The following FRMD4A variants were observed in gnomAD, a reference collection of about 807,000 sequenced individuals.
The protein encoded by FRMD4A is FERM domain containing 4A, also known as FERM domain-containing protein 4A.
In FRMD4A, 29 loss-of-function variants were observed where a neutral mutation model predicts 129.1. The ratio of observed to expected loss-of-function variants is 0.22; its 90% CI spans 0.17 to 0.31. The LOEUF (loss-of-function observed/expected upper bound fraction) is 0.31. FRMD4A is among the 10% of genes least tolerant of loss of function. The pLI is 1.00. For synonymous variants in FRMD4A, 634 were observed against 571.6 expected, an observed-to-expected ratio of 1.11 and a Z score of -1.56; for missense variants, 1,272 against 1,375.8, an observed-to-expected ratio of 0.92 and a Z score of 1.19.
intron 2 of FRMD4A, among the ~76,000 whole-genome samples, chr10:14,300,588 G>C (rs771457582): frequency 1.3e-5 from 2 of 152,160 alleles, no homozygotes; most frequent in Non-Finnish European, 2.9e-5. Context: ...AGGCAGGGTT[G>C]GTCCCTACTT....
At chr10:14,304,035 G>A (rs1218472) in intron 2 of FRMD4A, among the ~76,000 whole-genome samples, 25,317 of 151,940 alleles carry the variant, frequency 0.17, 2,796 homozygotes, top group African/African-American at 0.31. Flanking sequence ...CCATTTATCC[G>A]CTGATAGACA....
intron 13 of FRMD4A, among the ~76,000 whole-genome samples, chr10:13,706,524 C>G (rs1482264060): frequency 6.6e-6 from 1 of 152,086 alleles, no homozygotes; most frequent in Non-Finnish European, 1.5e-5. Flanking sequence ...ATACTAACAT[C>G]CTAAAATTAC....
chr10:14,004,180 A>G (rs1428893934), intron 2 of FRMD4A, among the ~76,000 whole-genome samples: 1 of 152,224 alleles, frequency 6.6e-6, no homozygotes, highest in East Asian at 1.9e-4. Context: ...TTAGCAAGCG[A>G]ATAGCCCTAA....
At chr10:13,704,005 AAAAAC>A (rs2087137801) in intron 13 of FRMD4A, among the ~76,000 whole-genome samples, 1 of 151,938 alleles carries the variant, frequency 6.6e-6, no homozygotes, top group Non-Finnish European at 1.5e-5. Context: ...CTCTGTCTCA[AAAAAC>A]AAAACAAACA....
chr10:13,740,399 A>T, intron 10 of FRMD4A, 113 bp downstream of exon 10: 1 of 877,676 alleles, frequency 1.1e-6, no homozygotes, highest in Non-Finnish European at 1.9e-6. Flanking sequence ...AAATGGAAAC[A>T]TACACCCCCC....
intron 2 of FRMD4A, among the ~76,000 whole-genome samples, chr10:14,093,729 A>G (rs1237165587): frequency 2.2e-5 from 3 of 138,004 alleles, no homozygotes; most frequent in African/African-American, 8.0e-5. Context: ...TTTAATAGAG[A>G]CTAGATATCC....
At chr10:14,141,395 C>T (rs1018426815) in intron 2 of FRMD4A, among the ~76,000 whole-genome samples, 1 of 152,146 alleles carries the variant, frequency 6.6e-6, no homozygotes, top group Non-Finnish European at 1.5e-5. Flanking sequence ...GGATGCTATC[C>T]ATGCACTCTC....
intron 21 of FRMD4A, among the ~76,000 whole-genome samples, chr10:13,657,995 T>C (rs1430264991): frequency 6.6e-6 from 1 of 150,896 alleles, no homozygotes; most frequent in Non-Finnish European, 1.5e-5. Context: ...ATTAGAAAAT[T>C]AGCTGGGTGT....
chr10:13,669,888 G>A (rs1416946999), intron 17 of FRMD4A, among the ~76,000 whole-genome samples: 1 of 152,214 alleles, frequency 6.6e-6, no homozygotes, highest in Non-Finnish European at 1.5e-5. Context: ...AACAAGGCCA[G>A]GGCCGCCCAA....
intron 2 of FRMD4A, among the ~76,000 whole-genome samples, chr10:14,113,558 T>C (rs1002068913): frequency 2.8e-4 from 42 of 152,188 alleles, no homozygotes; most frequent in Admixed American, 2.7e-3. Context: ...AGTTAAATTC[T>C]GGGGGACTCA....
At chr10:13,975,057 CTGTG>C (rs1452449308) in intron 2 of FRMD4A, among the ~76,000 whole-genome samples, 2 of 150,854 alleles carry the variant, frequency 1.3e-5, no homozygotes, top group South Asian at 2.1e-4. Flanking sequence ...GTCTCTGAGT[CTGTG>C]TGTGTATGTG....
chr10:14,059,507 C>T (rs1340545735), intron 2 of FRMD4A, among the ~76,000 whole-genome samples: 1 of 152,144 alleles, frequency 6.6e-6, no homozygotes, highest in Non-Finnish European at 1.5e-5. Context: ...TGAGGAAAGG[C>T]TATGTGAGCA....
At chr10:13,709,624 G>A (rs946128116) in intron 12 of FRMD4A, among the ~76,000 whole-genome samples, 3 of 152,166 alleles carry the variant, frequency 2.0e-5, no homozygotes, top group Non-Finnish European at 4.4e-5. Flanking sequence ...CGTAAGGGAT[G>A]TGGATGGTAC....
intron 2 of FRMD4A, among the ~76,000 whole-genome samples, chr10:14,093,591 G>T (rs1328209427): frequency 1.3e-5 from 2 of 152,258 alleles, no homozygotes; most frequent in South Asian, 2.1e-4. Flanking sequence ...GGATGAGTGG[G>T]ACCTGCTTGT....
intron 2 of FRMD4A, among the ~76,000 whole-genome samples, chr10:14,029,224 G>T (rs1833120204): frequency 6.6e-6 from 1 of 151,950 alleles, no homozygotes; most frequent in African/African-American, 2.4e-5. Flanking sequence ...TAACGTTTTA[G>T]TGGTAAGATT....
rs767762613 is a variant in FRMD4A, at chr10:13,810,926, T to C, written c.112-18A>G. The C allele has an allele frequency of 1.5e-6, 2 of 1,352,922 alleles. No individual in the cohort carries two copies. The highest frequency in any genetic ancestry group is 2.4e-5 in the South Asian group (2 of 84,368). The allele number at this position is 1,352,922 out of a possible 1,614,324, so 83.8% of individuals were successfully genotyped here. A position where few individuals can be genotyped will look rare whatever the true frequency, so the allele number is the denominator to read the frequency against. ...AGCTTGGGCTGCAAGAAGAATACAA[T>C]GGAAGAAGGGTAAGTGATGAGAGAC... On this transcript the variant is annotated intron_variant, in intron 3 of 24. Coordinates refer to ENST00000357447, the MANE Select transcript of FRMD4A (RefSeq NM_018027.5).
intron 2 of FRMD4A, among the ~76,000 whole-genome samples, chr10:14,027,373 G>T (rs1286614113): frequency 6.6e-6 from 1 of 152,216 alleles, no homozygotes; most frequent in African/African-American, 2.4e-5. Context: ...GGGCATGGTG[G>T]CTCACGCCTA....
At chr10:13,689,492 G>A (rs1450140474) in intron 15 of FRMD4A, among the ~76,000 whole-genome samples, 1 of 151,430 alleles carries the variant, frequency 6.6e-6, no homozygotes, top group Non-Finnish European at 1.5e-5. Flanking sequence ...AGATCCTATG[G>A]GAGGTATCAG....
chr10:13,652,916 A>G (rs2081780467), intron 23 of FRMD4A: 1 of 152,020 alleles, frequency 6.6e-6, no homozygotes, highest in African/African-American at 2.4e-5. Flanking sequence ...CTTTGGGATC[A>G]CACTTAACTA....
Sources: gnomAD v4.1 joint callset for allele counts (sites outside exome capture counted in the v4.1 genomes callset) on GRCh38, gnomAD v4.1.1 for gene constraint, MANE v1.5 for transcripts, NCBI Gene and HGNC (gene_info 2026-07-23, HGNC 2026-07-21) for gene names.